NCOA1: variants seen among roughly 807,000 people sequenced by gnomAD.
The protein encoded by NCOA1 is nuclear receptor coactivator 1.
Under a neutral mutation model 150.9 loss-of-function variants are expected in NCOA1, and 35 were observed. That is an observed-to-expected ratio of 0.23 (90% confidence interval 0.18 to 0.31). The LOEUF is 0.31. NCOA1 is among the 10% of genes least tolerant of loss of function. The pLI, the probability that NCOA1 is intolerant of heterozygous loss-of-function variation, is 1.00. For synonymous variants in NCOA1, 590 were observed against 630.0 expected, an observed-to-expected ratio of 0.94 and a Z score of 0.95; for missense variants, 1,491 against 1,749.3, an observed-to-expected ratio of 0.85 and a Z score of 2.63.
chr2:24,581,320 A>G (rs1191977905), intron 2 of NCOA1, among the ~76,000 whole-genome samples: 2 of 152,238 alleles, frequency 1.3e-5, no homozygotes, highest in Admixed American at 6.5e-5. Flanking sequence ...ATCACGTGGC[A>G]GGGACTGGCT....
chr2:24,741,400 A>G (rs1312944305), intron 18 of NCOA1, among the ~76,000 whole-genome samples: 1 of 152,102 alleles, frequency 6.6e-6, no homozygotes, highest in Non-Finnish European at 1.5e-5. Flanking sequence ...CATCAAGCAC[A>G]TTTTCTTTCA....
intron 19 of NCOA1, among the ~76,000 whole-genome samples, chr2:24,747,046 A>T (rs1042658450): frequency 2.0e-5 from 3 of 152,178 alleles, no homozygotes; most frequent in African/African-American, 7.2e-5. Flanking sequence ...TCTCTAAAAA[A>T]TTGTCTTTTT....
intron 3 of NCOA1, among the ~76,000 whole-genome samples, chr2:24,629,159 T>C (rs1249357794): frequency 6.6e-6 from 1 of 152,152 alleles, no homozygotes; most frequent in Non-Finnish European, 1.5e-5. Flanking sequence ...GGCAAATGCA[T>C]GCAGGCCCTT....
rs143918703 is a variant in NCOA1, at chr2:24,729,648, G to A, written c.3034G>A (p.Val1012Ile). 8 of 1,613,882 alleles carry A rather than the reference G, an allele frequency of 5.0e-6. No individual in the cohort carries two copies. In the African/African-American group the frequency reaches 1.1e-4, roughly 22 times the overall value. ...ANLPSPFQGM[V>I]RQKPSLGTMP... ...TCTCCCTAGCCCTTTCCAAGGCATG[G>A]TCAGGCAAAAACCTTCACTGGGGAC... Residue 1012 changes from valine (V) to isoleucine (I), a missense_variant, in exon 17 of 23, where the codon GTC becomes ATC. Coordinates refer to ENST00000348332, the MANE Select transcript of NCOA1 (RefSeq NM_003743.5).
chr2:24,633,798 A>G (rs899427609), intron 3 of NCOA1, among the ~76,000 whole-genome samples: 14 of 152,232 alleles, frequency 9.2e-5, no homozygotes, highest in African/African-American at 3.1e-4. Flanking sequence ...GGAGTTGGAC[A>G]TATGCAAATA....
chr2:24,593,942 A>G (rs915408512), intron 3 of NCOA1, among the ~76,000 whole-genome samples: 1 of 152,162 alleles, frequency 6.6e-6, no homozygotes, highest in Non-Finnish European at 1.5e-5. Flanking sequence ...TGCAATTTTT[A>G]GGAAGTGTAC....
At chr2:24,552,324 TA>T (rs1665864341) in intron 1 of NCOA1, among the ~76,000 whole-genome samples, 149 of 11,968 alleles carry the variant, frequency 0.012, 2 homozygotes, top group South Asian at 0.027. Context: ...ATATATATTA[TA>T]TATATATATA....
At chr2:24,756,043 G>T (rs2148687070) in intron 20 of NCOA1, among the ~76,000 whole-genome samples, 1 of 132,548 alleles carries the variant, frequency 7.5e-6, no homozygotes, top group Non-Finnish European at 1.5e-5. Flanking sequence ...AGACCAGCCT[G>T]ACCAACATGG....
chr2:24,698,613 A>G (rs538970488), intron 11 of NCOA1, among the ~76,000 whole-genome samples: 1 of 152,310 alleles, frequency 6.6e-6, no homozygotes, highest in African/African-American at 2.4e-5. Context: ...ATACTTTAAA[A>G]ATATTGTCAT....
chr2:24,506,036 A>G (rs544088566), intron 1 of NCOA1, among the ~76,000 whole-genome samples: 46 of 151,846 alleles, frequency 3.0e-4, no homozygotes, highest in African/African-American at 9.9e-4. Flanking sequence ...GAGCCTTTGG[A>G]TCTAGTTGCA....
At chr2:24,608,884 G>T (rs1558835437) in intron 3 of NCOA1, among the ~76,000 whole-genome samples, 1 of 151,974 alleles carries the variant, frequency 6.6e-6, no homozygotes, top group Non-Finnish European at 1.5e-5. Flanking sequence ...TATTCTCTCT[G>T]TTGGGGTTTG....
At chr2:24,670,027 A>G (rs551731489) in intron 6 of NCOA1, among the ~76,000 whole-genome samples, 42 of 152,318 alleles carry the variant, frequency 2.8e-4, no homozygotes, top group African/African-American at 1.0e-3. Flanking sequence ...AGTCCCAACT[A>G]TTCGGGAGAC....
At chr2:24,621,955 G>T (rs1315988098) in intron 3 of NCOA1, among the ~76,000 whole-genome samples, 1 of 152,196 alleles carries the variant, frequency 6.6e-6, no homozygotes, top group African/African-American at 2.4e-5. Context: ...GTCAGGTTCT[G>T]TTCACAGAGT....
At position 24,552,313 on chromosome 2, in the gene NCOA1, CATATATATTATATATATATATATAT is replaced by C. The variant is rs1477925037; in HGVS notation, c.-395-11973_-395-11949del. On this transcript the variant is annotated intron_variant, in intron 1 of 22. Transcript: ENST00000348332. Reference sequence around the variant, plus strand: ...AGGTCTTTGATTTCTCACTGTGCTTCATATATATTATATATATATATATATATATATATATATATATTTTTTTTTT... The same window carrying C: ...AGGTCTTTGATTTCTCACTGTGCTTCATATATATATATATATTTTTTTTTT... 3.0e-3 allele frequency among the ~76,000 whole-genome samples: 243 copies of C among 80,240 alleles called. 2 individuals carry two copies. Among genetic ancestry groups the C allele is most frequent in the African/African-American group, 0.013 (234 of 17,912 alleles). 52.6% of individuals were successfully genotyped at this position (80,240 alleles called of 152,430 possible). A position where few individuals can be genotyped will look rare whatever the true frequency, so the allele number is the denominator to read the frequency against.
intron 3 of NCOA1, among the ~76,000 whole-genome samples, chr2:24,609,775 T>C (rs1375346556): frequency 6.6e-6 from 1 of 152,168 alleles, no homozygotes; most frequent in Non-Finnish European, 1.5e-5. Context: ...CTTAGACATT[T>C]AGCTCAGTTT....
At chr2:24,545,869 T>C (rs1036362135) in intron 1 of NCOA1, among the ~76,000 whole-genome samples, 1 of 152,196 alleles carries the variant, frequency 6.6e-6, no homozygotes, top group Non-Finnish European at 1.5e-5. Flanking sequence ...CTCGGCTCAC[T>C]GCAACCTCTG....
At position 24,628,177 on chromosome 2, in the gene NCOA1, G is replaced by A. The variant is rs535428560; in HGVS notation, c.-174-15789G>A. Among the ~76,000 whole-genome samples, 6 of 152,204 alleles carry A rather than the reference G, an allele frequency of 3.9e-5. No individual in the cohort carries two copies. The East Asian group carries it at 1.2e-3, about 29-fold the overall frequency. ...TAGCTGGGTGTGGTGGCGGACGCCT[G>A]TAACTCCAGCTACTTGGGACGCTGA... On this transcript the variant is annotated intron_variant, in intron 3 of 22. Coordinates refer to ENST00000348332, the MANE Select transcript of NCOA1 (RefSeq NM_003743.5).
chr2:24,709,856 A>G (rs1481214544), intron 13 of NCOA1, among the ~76,000 whole-genome samples: 4 of 152,234 alleles, frequency 2.6e-5, no homozygotes, highest in African/African-American at 9.6e-5. Context: ...ATAAAAATGA[A>G]TGAACTGCTG....
chr2:24,538,816 G>C (rs1204050012), intron 1 of NCOA1, among the ~76,000 whole-genome samples: 3 of 152,090 alleles, frequency 2.0e-5, no homozygotes, highest in Non-Finnish European at 4.4e-5. Flanking sequence ...GAAGAAAACA[G>C]ACTCTGTCCT....
Sources: gnomAD v4.1 joint callset for allele counts (sites outside exome capture counted in the v4.1 genomes callset) on GRCh38, gnomAD v4.1.1 for gene constraint, MANE v1.5 for transcripts, NCBI Gene and HGNC (gene_info 2026-07-23, HGNC 2026-07-21) for gene names.